Variants in DMXL1 observed in about 807,000 individuals in gnomAD.
DMXL1 encodes the protein dmX-like protein 1.
Under a neutral mutation model 319.2 loss-of-function variants are expected in DMXL1, and 99 were observed. That is an observed-to-expected ratio of 0.31 (90% CI 0.26 to 0.37). DMXL1 has a LOEUF of 0.37. Ranked by LOEUF, DMXL1 falls within the 10% of genes least tolerant of loss-of-function variation. DMXL1 has a pLI of 1.00. For synonymous variants in DMXL1, 1,385 were observed against 1,235.2 expected, an observed-to-expected ratio of 1.12 and a Z score of -2.54; for missense variants, 3,745 against 3,595.6, an observed-to-expected ratio of 1.04 and a Z score of -1.06.
intron 34 of DMXL1, among the ~76,000 whole-genome samples, chr5:119,209,020 A>G (rs1318942533): frequency 6.6e-6 from 1 of 152,212 alleles, no homozygotes; most frequent in Admixed American, 6.5e-5. Flanking sequence ...TTCAAGATTC[A>G]TCTATGTTGT....
At chr5:119,238,047 A>G (rs1788075724) in intron 40 of DMXL1, among the ~76,000 whole-genome samples, 1 of 152,138 alleles carries the variant, frequency 6.6e-6, no homozygotes, top group Non-Finnish European at 1.5e-5. Flanking sequence ...GCAAGCAAGC[A>G]TGGGAGGATT....
rs374003942 is a variant in DMXL1 at position 119,239,031 on chromosome 5, G to A, written c.8602G>A (p.Val2868Ile). Residue 2868 changes from valine (V) to isoleucine (I), a missense_variant, in exon 41 of 44, where the codon GTT (valine) becomes ATT (isoleucine). This residue lies in a region of DMXL1 where 262 missense variants were observed against 320.5 expected (regional missense o/e 0.82). Coordinates refer to ENST00000539542, the MANE Select transcript of DMXL1 (RefSeq NM_001290321.3). ...CAAAACAGCCAATGATTTTGTCTTC[G>A]TTAGTTCCTCCTCTCTGATAGCTAC... Reference protein sequence around the residue: ...HNKTANDFVFVSSSSLIATAG... With the variant: ...HNKTANDFVFISSSSLIATAG... 4.8e-5 allele frequency: 78 copies of A among 1,613,744 alleles called. No individual in the cohort carries two copies. Among genetic ancestry groups the A allele is most frequent in the East Asian group, 6.7e-5 (3 of 44,834 alleles).
In DMXL1 at chr5:119,118,955, A is replaced by G; in HGVS notation, c.884A>G (p.Asn295Ser). ...ACTGAATCAATTAATTTAACAAATA[A>G]CTTCAAGAGAAATGCTTCCAGTAAA... The part of the protein sequence containing the change: ...HWTESINLTN[N>S]FKRNASSKER... Residue 295 changes from asparagine (N) to serine (S), a missense_variant, in exon 8 of 44, where the codon AAC becomes AGC. Physicochemically the swap from Asn to Ser is conservative, Grantham distance 46 (BLOSUM62 1). Around this residue, in one of 4 missense-constraint regions of DMXL1, gnomAD observed 2,096 missense variants for 1,985.4 expected, o/e 1.06. Coordinates refer to ENST00000539542, the MANE Select transcript of DMXL1 (RefSeq NM_001290321.3). 1.9e-6 allele frequency: 3 copies of G among 1,613,624 alleles called. No individual in the cohort carries two copies. Among genetic ancestry groups the G allele is most frequent in the Non-Finnish European group, 2.5e-6 (3 of 1,179,888 alleles).
In DMXL1 at chr5:119,170,286, A is replaced by G; in HGVS notation, c.5495A>G (p.Asp1832Gly). 6 of 1,613,886 alleles carry G rather than the reference A, an allele frequency of 3.7e-6. No individual in the cohort carries two copies. The highest frequency in any genetic ancestry group is 5.1e-6 in the Non-Finnish European group (6 of 1,179,940). ...LLLRRHFGSS[D>G]TFSTHMSLTG... ...CTGAGACGTCATTTTGGATCATCTGATACATTTTCCACACATATGAGCCTA... is the reference window on the plus strand; with the variant it reads ...CTGAGACGTCATTTTGGATCATCTGGTACATTTTCCACACATATGAGCCTA... Residue 1832 changes from aspartate (D) to glycine (G), a missense_variant, in exon 24 of 44, where the codon GAT becomes GGT. Around this residue, in one of 4 missense-constraint regions of DMXL1, gnomAD observed 1,382 missense variants for 1,269.5 expected, o/e 1.09. Transcript: ENST00000539542.
In DMXL1 at chr5:119,073,688, T is replaced by A. The variant is rs191615050; in HGVS notation, c.87+2032T>A. ...AAGCATTCAGTAAATAAACTAAAAA[T>A]AAATTTTTAAGTATAAAGAGAGTTC... is the stretch of plus-strand genomic sequence containing the variant. On this transcript the variant is annotated intron_variant, in intron 1 of 43. Coordinates refer to ENST00000539542, the MANE Select transcript of DMXL1 (RefSeq NM_001290321.3). Among the ~76,000 whole-genome samples the A allele has an allele frequency of 2.0e-3, 300 of 152,290 alleles. 6 individuals are homozygous for A. The highest frequency in any genetic ancestry group is 0.019 in the Admixed American group (289 of 15,294).
intron 21 of DMXL1, 146 bp from the exon 22 acceptor site, chr5:119,166,470 A>T: frequency 1.6e-6 from 1 of 635,506 alleles, no homozygotes; most frequent in Non-Finnish European, 2.6e-6. Context: ...TATAATTTTT[A>T]CTGGGAAAAG....
chr5:119,191,477 AT>A (rs1315703619), intron 29 of DMXL1, among the ~76,000 whole-genome samples: 4 of 152,142 alleles, frequency 2.6e-5, no homozygotes, highest in Admixed American at 6.6e-5. Context: ...TATTCAACAA[AT>A]GTTTATTAAG....
chr5:119,077,899 ACG>A (rs1479546821), intron 1 of DMXL1, among the ~76,000 whole-genome samples: 1 of 129,630 alleles, frequency 7.7e-6, no homozygotes, highest in Non-Finnish European at 1.7e-5. Flanking sequence ...ACACACACAC[ACG>A]TATATATTTT....
chr5:119,241,652 C>T (rs1788840842), intron 42 of DMXL1, among the ~76,000 whole-genome samples: 1 of 151,792 alleles, frequency 6.6e-6, no homozygotes, highest in Non-Finnish European at 1.5e-5. Flanking sequence ...AATGTCTTGA[C>T]TTTGGTCTGC....
chr5:119,117,316 C>T (rs1458121851), intron 7 of DMXL1, among the ~76,000 whole-genome samples: 2 of 152,184 alleles, frequency 1.3e-5, no homozygotes, highest in Non-Finnish European at 2.9e-5. Context: ...GCTGGAATTA[C>T]AAGCATGAGC....
At chr5:119,242,788 C>T (rs894811297) in intron 42 of DMXL1, among the ~76,000 whole-genome samples, 1 of 152,120 alleles carries the variant, frequency 6.6e-6, no homozygotes, top group Non-Finnish European at 1.5e-5. Context: ...GGGGAGCCCA[C>T]TAATAGACTC....
In DMXL1 at chr5:119,148,814, A is replaced by T; in HGVS notation, c.2987A>T (p.Lys996Ile). Residue 996 changes from lysine (K) to isoleucine (I), a missense_variant, in exon 18 of 44, where the codon AAA becomes ATA. Coordinates refer to ENST00000539542, the MANE Select transcript of DMXL1 (RefSeq NM_001290321.3). ...TTGGCAACTTCATGTTCAGATGAGA[A>T]AGTAAGATTCTGGAGATGCAGAGTA... The part of the protein sequence containing the change: ...YLLATSCSDE[K>I]VRFWRCRVTD... The T allele has an allele frequency of 6.2e-7, 1 of 1,613,746 alleles. No individual in the cohort carries two copies. The highest frequency in any genetic ancestry group is 8.5e-7 in the Non-Finnish European group (1 of 1,179,760).
intron 19 of DMXL1, among the ~76,000 whole-genome samples, chr5:119,164,095 T>C (rs924344433): frequency 7.2e-6 from 1 of 139,154 alleles, no homozygotes; most frequent in Non-Finnish European, 1.6e-5. Context: ...GCTTGCTTGA[T>C]GTTTTTTTTT....
chr5:119,106,831 G>A (rs1216542551), intron 4 of DMXL1, among the ~76,000 whole-genome samples: 1 of 152,120 alleles, frequency 6.6e-6, no homozygotes, highest in Non-Finnish European at 1.5e-5. Flanking sequence ...AATAGTGAAA[G>A]GTATACATGG....
chr5:119,211,487 C>T (rs1170319994), intron 34 of DMXL1, among the ~76,000 whole-genome samples: 1 of 152,122 alleles, frequency 6.6e-6, no homozygotes, highest in African/African-American at 2.4e-5. Flanking sequence ...TGTTGTCAAA[C>T]TTACTGGCAT....
chr5:119,109,862 T>A (rs1265611587), intron 4 of DMXL1, among the ~76,000 whole-genome samples: 2 of 152,200 alleles, frequency 1.3e-5, no homozygotes, highest in African/African-American at 4.8e-5. Context: ...TATGAACTCA[T>A]GAAAAACGAC....
chr5:119,204,399 A>T, intron 33 of DMXL1, among the ~76,000 whole-genome samples: 1 of 152,328 alleles, frequency 6.6e-6, no homozygotes, highest in East Asian at 1.9e-4. Flanking sequence ...TTGGCCTCCC[A>T]AAGTGCTGAG....
chr5:119,191,820 C>G (rs1390481009), intron 29 of DMXL1, among the ~76,000 whole-genome samples: 3 of 152,240 alleles, frequency 2.0e-5, no homozygotes, highest in Non-Finnish European at 4.4e-5. Flanking sequence ...ACCTACACCA[C>G]AGAGATTGGG....
At chr5:119,093,627 C>T (rs1029717106) in intron 1 of DMXL1, among the ~76,000 whole-genome samples, 2 of 152,166 alleles carry the variant, frequency 1.3e-5, no homozygotes, top group African/African-American at 4.8e-5. Flanking sequence ...ACATCTCTTT[C>T]TTTAAATCAA....
Sources: gnomAD v4.1 joint callset for allele counts (sites outside exome capture counted in the v4.1 genomes callset) on GRCh38, gnomAD v4.1.1 for gene constraint, gnomAD v4.1.1 regional missense constraint, MANE v1.5 for transcripts, NCBI Gene and HGNC (gene_info 2026-07-23, HGNC 2026-07-21) for gene names.